The following MYO16 variants were observed in gnomAD, a reference collection of about 807,000 sequenced individuals.
MYO16 encodes unconventional myosin-XVI.
In MYO16, 94 loss-of-function variants were observed where a neutral mutation model predicts 205.3. That is an observed-to-expected ratio of 0.46 (90% CI 0.39 to 0.54). The LOEUF (loss-of-function observed/expected upper bound fraction) is 0.54, where lower values mean the gene tolerates loss of function less well. Among genes scored for constraint, MYO16 ranks in the 20% least tolerant of loss-of-function variants. The pLI, the probability that MYO16 is intolerant of heterozygous loss-of-function variation, is 0.00. For missense variants in MYO16, 2,315 were observed against 2,387.5 expected (o/e 0.97, Z 0.63); for synonymous variants, 988 against 954.0 (o/e 1.04, Z -0.66).
At chr13:108,564,242 C>T in the MYO16 span, among the ~76,000 whole-genome samples, 1 of 150,202 alleles carries the variant, frequency 6.7e-6, no homozygotes, top group Non-Finnish European at 1.5e-5. Context: ...ACCATCTTGG[C>T]TCACCACAAC....
intron 27 of MYO16, among the ~76,000 whole-genome samples, chr13:109,080,316 T>G (rs567681499): frequency 6.6e-6 from 1 of 152,312 alleles, no homozygotes; most frequent in South Asian, 2.1e-4. Flanking sequence ...AAAATTAACA[T>G]AGAGCAGCTG....
In MYO16 at chr13:109,120,361, G is replaced by A; in HGVS notation, c.3439-9G>A. ...GCTGTTAAATGTTTCCCTGCTGTTT[G>A]CATTTTAGATGGGAGTCCGAAAAGT... On this transcript the variant is annotated splice_polypyrimidine_tract_variant and intron_variant, in intron 28 of 34. Coordinates refer to ENST00000457511, the MANE Select transcript of MYO16 (RefSeq NM_001198950.3). The A allele has an allele frequency of 6.3e-7, 1 of 1,590,440 alleles. No homozygotes were observed. Among genetic ancestry groups the A allele is most frequent in the African/African-American group, 1.3e-5 (1 of 74,340 alleles).
chr13:108,957,758 G>C lies in MYO16; in HGVS notation c.1996G>C (p.Val666Leu), dbSNP rs968932114. The C allele has an allele frequency of 7.3e-5, 117 of 1,613,756 alleles. No individual in the cohort carries two copies. The highest frequency in any genetic ancestry group is 9.6e-5 in the Non-Finnish European group (113 of 1,179,796). ...ERSLNREKLA[V>L]LKRALNVVGF... ...TTCTCTGAACAGGGAGAAATTGGCTGTTTTGAAACGAGCCCTGAATGTAGT... is the reference window on the plus strand; with the variant it reads ...TTCTCTGAACAGGGAGAAATTGGCTCTTTTGAAACGAGCCCTGAATGTAGT... The change falls in exon 17 of 35, where the codon GTT becomes CTT. Residue 666 changes from valine to leucine, a missense_variant. Val to Leu is a conservative substitution (Grantham distance 32). Around this residue, in one of 3 missense-constraint regions of MYO16, gnomAD observed 1,213 missense variants for 1,274.4 expected, o/e 0.95. Coordinates refer to ENST00000457511, the MANE Select transcript of MYO16 (RefSeq NM_001198950.3).
At chr13:108,557,013 C>T in the MYO16 span, among the ~76,000 whole-genome samples, 7 of 152,106 alleles carry the variant, frequency 4.6e-5, no homozygotes, top group Middle Eastern at 3.4e-3. Context: ...ATGCTGGTAC[C>T]GTGGTATTTT....
chr13:108,569,354 T>C, the MYO16 span, among the ~76,000 whole-genome samples: 1 of 152,172 alleles, frequency 6.6e-6, no homozygotes, highest in African/African-American at 2.4e-5. Flanking sequence ...TTTTTGGTTT[T>C]AGGATACAAA....
In MYO16 at chr13:108,637,790, G is replaced by A. The variant is rs141725550; in HGVS notation, c.28+7918G>A. Among the ~76,000 whole-genome samples, 1,111 of 152,102 alleles carry A rather than the reference G, an allele frequency of 7.3e-3. 9 individuals are homozygous for A. The highest frequency in any genetic ancestry group is 0.026 in the African/African-American group (1,061 of 41,498). On this transcript the variant is annotated intron_variant, in intron 1 of 34. Coordinates refer to ENST00000457511, the MANE Select transcript of MYO16 (RefSeq NM_001198950.3). ...CTTGGGAGGCTGAGGCAGGAGAATCGCTTGAACCCAGGAGGTAAATGTGGC... is the reference window on the plus strand; with the variant it reads ...CTTGGGAGGCTGAGGCAGGAGAATCACTTGAACCCAGGAGGTAAATGTGGC...
chr13:109,049,534 A>G (rs976857877), intron 24 of MYO16, among the ~76,000 whole-genome samples: 7 of 151,924 alleles, frequency 4.6e-5, no homozygotes, highest in African/African-American at 1.7e-4. Context: ...TTTGGACCAT[A>G]TTTATGTCTC....
intron 20 of MYO16, among the ~76,000 whole-genome samples, chr13:108,985,916 G>A (rs1373793280): frequency 6.6e-6 from 1 of 152,160 alleles, no homozygotes; most frequent in African/African-American, 2.4e-5. Flanking sequence ...TCACGCTGCT[G>A]ATAAAGACAT....
intron 16 of MYO16, among the ~76,000 whole-genome samples, chr13:108,928,922 A>T (rs1882130734): frequency 6.6e-6 from 1 of 152,224 alleles, no homozygotes; most frequent in African/African-American, 2.4e-5. Flanking sequence ...AAAATCAGAA[A>T]TTGTACAGGG....
the MYO16 span, among the ~76,000 whole-genome samples, chr13:108,506,919 C>T: frequency 1.3e-5 from 2 of 151,940 alleles, no homozygotes; most frequent in East Asian, 3.9e-4. Context: ...TTGCCAAATG[C>T]TTTTTCTTTA....
intron 2 of MYO16, among the ~76,000 whole-genome samples, chr13:108,676,888 C>G (rs72664979): frequency 1.3e-5 from 2 of 152,230 alleles, no homozygotes; most frequent in Middle Eastern, 6.8e-3. Context: ...GCAGATGTAC[C>G]TCTCCTCTCC....
intron 23 of MYO16, among the ~76,000 whole-genome samples, chr13:109,032,140 TC>T (rs1886564320): frequency 6.6e-6 from 1 of 152,068 alleles, no homozygotes; most frequent in Admixed American, 6.6e-5. Context: ...GGCTGGCTGC[TC>T]CCCCTCGACC....
Position 109,120,356 on chromosome 13 carries a change from T to C in MYO16, c.3439-14T>C. Reference sequence around the variant, plus strand: ...TTCATGCTGTTAAATGTTTCCCTGCTGTTTGCATTTTAGATGGGAGTCCGA... The same window carrying C: ...TTCATGCTGTTAAATGTTTCCCTGCCGTTTGCATTTTAGATGGGAGTCCGA... On this transcript the variant is annotated splice_polypyrimidine_tract_variant and intron_variant, in intron 28 of 34. Transcript: ENST00000457511. 1 of 1,577,930 alleles carries C rather than the reference T, an allele frequency of 6.3e-7. No homozygotes were observed. The highest frequency in any genetic ancestry group is 8.7e-7 in the Non-Finnish European group (1 of 1,153,806).
intron 15 of MYO16, among the ~76,000 whole-genome samples, chr13:108,904,777 C>G (rs574775610): frequency 1.7e-4 from 26 of 152,268 alleles, no homozygotes; most frequent in South Asian, 1.7e-3. Context: ...CCTGTTGCAT[C>G]CATCCCCTTA....
chr13:108,692,642 C>T (rs893131185), intron 2 of MYO16, among the ~76,000 whole-genome samples: 1 of 152,144 alleles, frequency 6.6e-6, no homozygotes, highest in African/African-American at 2.4e-5. Flanking sequence ...TAATGTGTCA[C>T]ACGGCGCATA....
intron 2 of MYO16, among the ~76,000 whole-genome samples, chr13:108,695,940 G>A (rs755675219): frequency 2.0e-5 from 3 of 152,196 alleles, no homozygotes; most frequent in Non-Finnish European, 4.4e-5. Flanking sequence ...TGCAACTGAT[G>A]CAGAACTTCT....
chr13:108,874,714 T>C lies in MYO16; in HGVS notation c.1426-8345T>C, dbSNP rs1387638479. On this transcript the variant is annotated intron_variant, in intron 12 of 34. Coordinates refer to ENST00000457511, the MANE Select transcript of MYO16 (RefSeq NM_001198950.3). ...TCATCATCATTATTATTATTATTAT[T>C]ATTATTATTATTATTATTATTATAT... Among the ~76,000 whole-genome samples, 18 of 148,548 alleles carry C rather than the reference T, an allele frequency of 1.2e-4. 1 individual carries two copies. The highest frequency in any genetic ancestry group is 4.2e-4 in the African/African-American group (17 of 40,936).
intron 4 of MYO16, among the ~76,000 whole-genome samples, chr13:108,760,356 A>G (rs9521011): frequency 0.45 from 68,410 of 151,894 alleles, 16,768 homozygotes; most frequent in East Asian, 0.63. Flanking sequence ...CTAACCTTAT[A>G]GTCACATTGA....
upstream of MYO16, among the ~76,000 whole-genome samples, chr13:108,626,357 T>C (rs2139344258): frequency 6.6e-6 from 1 of 152,266 alleles, no homozygotes; most frequent in East Asian, 1.9e-4. Flanking sequence ...CGTTTGAAAA[T>C]TTTCTGGAAA....
Sources: allele counts gnomAD v4.1 joint callset (sites outside exome capture counted in the v4.1 genomes callset), GRCh38; gene constraint gnomAD v4.1.1; regional missense constraint gnomAD v4.1.1; transcripts MANE v1.5; gene names NCBI Gene and HGNC (gene_info 2026-07-23, HGNC 2026-07-21).